The following GTPBP1 variants were observed in gnomAD, a reference collection of about 807,000 sequenced individuals.
GTPBP1 encodes GTP binding protein 1.
A neutral mutation model predicts 62.0 loss-of-function variants in GTPBP1; 23 were observed. The observed-to-expected ratio is 0.37, with a 90% CI of 0.27 to 0.53. The LOEUF (loss-of-function observed/expected upper bound fraction) is 0.53, where lower values mean the gene tolerates loss of function less well. Ranked by LOEUF, GTPBP1 falls within the 20% of genes least tolerant of loss-of-function variation. GTPBP1 has a pLI of 0.89. For missense variants in GTPBP1, 640 were observed against 917.3 expected (o/e 0.70, Z 3.90); for synonymous variants, 344 against 364.4 (o/e 0.94, Z 0.64).
rs1217148903 is a variant in GTPBP1, at chr22:38,716,466, G to A, written c.486-186G>A. ...CCGCTGTGGGAGTCTGGGCCCTTCTGATGACTCTACAGCAGCAGCTCTAGG... is the reference window on the plus strand; with the variant it reads ...CCGCTGTGGGAGTCTGGGCCCTTCTAATGACTCTACAGCAGCAGCTCTAGG... On this transcript the variant is annotated intron_variant, in intron 3 of 11. Transcript: ENST00000216044. The surrounding 1 kb of genome is among the most constrained non-coding windows in gnomAD (Gnocchi z 5.2). Among the ~76,000 whole-genome samples, 2 of 152,150 alleles carry A rather than the reference G, an allele frequency of 1.3e-5. No individual in the cohort carries two copies. The highest frequency in any genetic ancestry group is 2.9e-5 in the Non-Finnish European group (2 of 68,024).
chr22:38,742,223 TTC>T, downstream of GTPBP1: 1 of 1,495,606 alleles, frequency 6.7e-7, no homozygotes, highest in Admixed American at 2.2e-5. Flanking sequence ...ATGACACTTG[TTC>T]TCTCTGCTGC....
chr22:38,724,905 T>C (rs973466673), intron 6 of GTPBP1, among the ~76,000 whole-genome samples: 2 of 152,214 alleles, frequency 1.3e-5, no homozygotes, highest in Non-Finnish European at 2.9e-5. Context: ...TCCATAAATA[T>C]TTATTGGATG....
In GTPBP1 at chr22:38,716,015, A is replaced by G. The variant is rs779296160; in HGVS notation, c.413A>G (p.Gln138Arg). The G allele has an allele frequency of 3.7e-6, 6 of 1,613,964 alleles. No homozygotes were observed. The highest frequency in any genetic ancestry group is 4.2e-6 in the Non-Finnish European group (5 of 1,179,972). Residue 138 changes from glutamine to arginine, a missense_variant, in exon 3 of 12, where the codon CAA becomes CGA. By Grantham distance (43) the Gln-to-Arg change is conservative. Transcript: ENST00000216044. This position sits in a 1 kb window ranked among gnomAD's most constrained non-coding sequence, Gnocchi z 5.2. The part of the protein sequence containing the change: ...EADVILLRER[Q>R]EAGGRVRDYL... ...GATGTCATCCTTCTGCGGGAACGGCAAGAAGCTGGGGGCCGCGTGCGTGAT... is the reference window on the plus strand; with the variant it reads ...GATGTCATCCTTCTGCGGGAACGGCGAGAAGCTGGGGGCCGCGTGCGTGAT...
At chr22:38,717,469 G>A (rs1390722229) in intron 4 of GTPBP1, among the ~76,000 whole-genome samples, 1 of 152,192 alleles carries the variant, frequency 6.6e-6, no homozygotes, top group Non-Finnish European at 1.5e-5. Context: ...CTGGAGCCTG[G>A]GAGGAGGATC....
Position 38,728,097 on chromosome 22 carries a change from T to G in GTPBP1, c.1652T>G (p.Leu551Arg). ...CGCTTCATCAAGACCCCTGAGTACC[T>G]GCACATAGACCAGCGGCTGGTGTTC... is the stretch of plus-strand genomic sequence containing the variant. ...HFRFIKTPEYLHIDQRLVFRE... is the reference protein window; with the variant it reads ...HFRFIKTPEYRHIDQRLVFRE... The change falls in exon 10 of 12, where the codon CTG becomes CGG. Residue 551 changes from leucine (L) to arginine (R), a missense_variant. Transcript: ENST00000216044. 6.2e-7 allele frequency: 1 copy of G among 1,613,522 alleles called. No individual in the cohort carries two copies. The highest frequency in any genetic ancestry group is 8.5e-7 in the Non-Finnish European group (1 of 1,179,474).
At chr22:38,728,220 GT>G in intron 10 of GTPBP1, 59 bp downstream of exon 10, 2 of 1,198,384 alleles carry the variant, frequency 1.7e-6, no homozygotes, top group Non-Finnish European at 2.4e-6. Context: ...CTCCTGTTCT[GT>G]GACCCTGAGT....
At chr22:38,722,295 AT>A (rs2092704439) in intron 5 of GTPBP1, among the ~76,000 whole-genome samples, 1 of 152,242 alleles carries the variant, frequency 6.6e-6, no homozygotes, top group Non-Finnish European at 1.5e-5. Context: ...CAGGAGTTAA[AT>A]TTGACTGCTG....
intron 5 of GTPBP1, chr22:38,723,345 A>G: frequency 1.2e-6 from 1 of 836,924 alleles, no homozygotes; most frequent in East Asian, 2.5e-5. Context: ...CTGGTGCTAA[A>G]GAATTTTGCT....
downstream of GTPBP1, chr22:38,739,859 T>TCTCC (rs2092839166): frequency 6.2e-7 from 1 of 1,613,508 alleles, no homozygotes; most frequent in East Asian, 2.2e-5. The surrounding 1 kb of genome is among the most constrained non-coding windows in gnomAD (Gnocchi z 6.7). Context: ...TGAGCTTGCA[T>TCTCC]CTCCTCTCTC....
At chr22:38,706,339 C>T (rs2092604304) in intron 1 of GTPBP1, among the ~76,000 whole-genome samples, 192 bp downstream of exon 1, 1 of 152,204 alleles carries the variant, frequency 6.6e-6, no homozygotes, top group African/African-American at 2.4e-5. Flanking sequence ...CCCCATGGTC[C>T]CCGCACCCAC....
chr22:38,740,792 G>GC (rs1276216633), downstream of GTPBP1: 5 of 605,644 alleles, frequency 8.3e-6, no homozygotes, highest in Admixed American at 5.8e-5. The surrounding 1 kb of genome is among the most constrained non-coding windows in gnomAD (Gnocchi z 4.8). Flanking sequence ...CACACAGCCT[G>GC]CCCCCCGCCC....
At chr22:38,723,476 C>CAG (rs1290547122) in intron 5 of GTPBP1, 1 of 898,404 alleles carries the variant, frequency 1.1e-6, no homozygotes, top group Non-Finnish European at 1.8e-6. Context: ...AGCCGATGCT[C>CAG]AGAGTAGCCT....
chr22:38,739,785 C>T, downstream of GTPBP1: 1 of 1,613,650 alleles, frequency 6.2e-7, no homozygotes, highest in South Asian at 1.1e-5. This position sits in a 1 kb window ranked among gnomAD's most constrained non-coding sequence, Gnocchi z 6.7. Flanking sequence ...CCGCGGCTTC[C>T]CTGGCCGACT....
At chr22:38,736,232 C>T, downstream of GTPBP1, 1 of 1,594,198 alleles carries the variant, frequency 6.3e-7, no homozygotes, top group Non-Finnish European at 8.6e-7. Context: ...TTCACCCACT[C>T]CCAGATGGCT....
At chr22:38,733,994 A>G (rs138700), downstream of GTPBP1, among the ~76,000 whole-genome samples, 44,823 of 152,082 alleles carry the variant, frequency 0.29, 6,809 homozygotes, top group East Asian at 0.46. Context: ...AGCAGGTGTC[A>G]GTGAAGGGGA....
rs371725825 is a variant in GTPBP1 at position 38,730,710 on chromosome 22, C to G, written c.*6C>G. The G allele has an allele frequency of 2.5e-4, 379 of 1,532,120 alleles. 3 individuals are homozygous for G. The highest frequency in any genetic ancestry group is 1.4e-3 in the South Asian group (118 of 86,440). The allele number at this position is 1,532,120 out of a possible 1,614,324, so 94.9% of individuals were successfully genotyped here. A position where few individuals can be genotyped will look rare whatever the true frequency, so the allele number is the denominator to read the frequency against. On this transcript the variant is annotated 3_prime_UTR_variant, in exon 12 of 12. Transcript: ENST00000216044. The surrounding 1 kb of genome is among the most constrained non-coding windows in gnomAD (Gnocchi z 5.6). ...CTCCTGCCAGCGGCTGCTGAACCTT[C>G]CCCTGGCCCACCCTCACCACCCAAG...
chr22:38,739,761 C>T (rs758713146), downstream of GTPBP1: 4 of 1,613,698 alleles, frequency 2.5e-6, no homozygotes, highest in Non-Finnish European at 3.4e-6. This position sits in a 1 kb window ranked among gnomAD's most constrained non-coding sequence, Gnocchi z 6.7. Context: ...TCTGCAGCGT[C>T]AGGCTCAGGG....
intron 2 of GTPBP1, 127 bp from the exon 3 acceptor site, chr22:38,715,780 C>G: frequency 1.4e-6 from 1 of 709,722 alleles, no homozygotes; most frequent in South Asian, 1.8e-5. Flanking sequence ...AGAGAGGACC[C>G]CTGTTCCTCT....
chr22:38,706,132 G>C lies in GTPBP1; in HGVS notation c.177G>C (p.Leu59=). Residue 59 remains leucine, a synonymous_variant, in exon 1 of 12, where the codon CTG becomes CTC. Transcript: ENST00000216044. ...DGEALNGEPE[L]DLTSKLVLVS... is the part of the protein sequence containing the mutation. ...AGGCGCTCAACGGCGAGCCAGAGCT[G>C]GACCTCACCAGCAAGGTAGGCCCGG... 7.8e-7 allele frequency: 1 copy of C among 1,274,586 alleles called. No homozygotes were observed. Among genetic ancestry groups the C allele is most frequent in the Non-Finnish European group, 9.9e-7 (1 of 1,009,194 alleles). The allele number at this position is 1,274,586 out of a possible 1,614,324, so 79.0% of individuals were successfully genotyped here. A position where few individuals can be genotyped will look rare whatever the true frequency, so the allele number is the denominator to read the frequency against.
Sources: allele counts gnomAD v4.1 joint callset (sites outside exome capture counted in the v4.1 genomes callset), GRCh38; gene constraint gnomAD v4.1.1; non-coding constraint Gnocchi (gnomAD v3.1); transcripts MANE v1.5; gene names NCBI Gene and HGNC (gene_info 2026-07-23, HGNC 2026-07-21).